The following ACVR1 variants were observed in gnomAD, a reference collection of about 807,000 sequenced individuals.
The protein encoded by ACVR1 is activin receptor type-1.
Under a neutral mutation model 57.1 loss-of-function variants are expected in ACVR1, and 38 were observed. The observed-to-expected ratio is 0.67, with a 90% confidence interval of 0.51 to 0.87. ACVR1 has a LOEUF of 0.87. Ranked by LOEUF, ACVR1 falls within the 40% of genes least tolerant of loss-of-function variation. The pLI is 0.00. For synonymous variants in ACVR1, 212 were observed against 228.1 expected, an observed-to-expected ratio of 0.93 and a Z score of 0.63; for missense variants, 463 against 638.2, an observed-to-expected ratio of 0.73 and a Z score of 2.96.
At chr2:157,862,065 A>G (rs940954237) in intron 1 of ACVR1, among the ~76,000 whole-genome samples, 13 of 152,168 alleles carry the variant, frequency 8.5e-5, no homozygotes, top group Non-Finnish European at 1.6e-4. Context: ...AATTTTGAAT[A>G]TTTACTTTAT....
intron 1 of ACVR1, among the ~76,000 whole-genome samples, chr2:157,833,858 T>C (rs1166970936): frequency 6.6e-6 from 1 of 152,176 alleles, no homozygotes; most frequent in East Asian, 1.9e-4. Flanking sequence ...GATAACAGCT[T>C]TTTTAAAAAT....
intron 2 of ACVR1, among the ~76,000 whole-genome samples, chr2:157,803,225 G>A (rs988526824): frequency 6.6e-5 from 10 of 151,902 alleles, no homozygotes; most frequent in African/African-American, 2.4e-4. Flanking sequence ...ATCATTGTGC[G>A]AACAAAATTA....
chr2:157,739,222 T>C (rs1684653791), intron 9 of ACVR1, among the ~76,000 whole-genome samples: 1 of 152,140 alleles, frequency 6.6e-6, no homozygotes. Context: ...GCTCTATTAT[T>C]TACTATCATA....
At chr2:157,779,848 T>C (rs1443911006) in intron 4 of ACVR1, among the ~76,000 whole-genome samples, 1 of 152,198 alleles carries the variant, frequency 6.6e-6, no homozygotes, top group African/African-American at 2.4e-5. Flanking sequence ...ATAGGGTCAC[T>C]GGGCATCAGA....
chr2:157,851,904 CACA>C (rs1333407345), intron 1 of ACVR1, among the ~76,000 whole-genome samples: 10,309 of 28,576 alleles, frequency 0.36, 1,308 homozygotes, highest in Middle Eastern at 0.44. Flanking sequence ...CACACACACA[CACA>C]CACCACCCCC....
chr2:157,850,766 G>A (rs1485448790), intron 1 of ACVR1, among the ~76,000 whole-genome samples: 1 of 152,120 alleles, frequency 6.6e-6, no homozygotes, highest in East Asian at 1.9e-4. Flanking sequence ...AGACCAGCCT[G>A]GCCAACACGG....
intron 1 of ACVR1, among the ~76,000 whole-genome samples, chr2:157,861,874 C>T (rs570175307): frequency 1.1e-4 from 16 of 152,244 alleles, no homozygotes; most frequent in Non-Finnish European, 1.9e-4. Context: ...AAGCTAGTTA[C>T]TTAAAAATGC....
At position 157,737,453 on chromosome 2, in the gene ACVR1, A is replaced by C; in HGVS notation, c.*78T>G. ...GGAGACAGATGGATTCCATTCTGAC[A>C]ACCAGTCAGGCCAGCATTAGGTCCC... On this transcript the variant is annotated 3_prime_UTR_variant, in exon 11 of 11. Coordinates refer to ENST00000434821, the MANE Select transcript of ACVR1 (RefSeq NM_001111067.4). The C allele has an allele frequency of 3.2e-6, 5 of 1,562,574 alleles. 1 individual carries two copies. The South Asian group carries it at 5.7e-5, about 18-fold the overall frequency.
intron 9 of ACVR1, among the ~76,000 whole-genome samples, chr2:157,756,233 C>T (rs1267772495): frequency 6.6e-6 from 1 of 151,928 alleles, no homozygotes; most frequent in Non-Finnish European, 1.5e-5. Context: ...ACTGGAAAAA[C>T]CCTTTAGACA....
At chr2:157,839,954 C>G (rs561231113) in intron 1 of ACVR1, among the ~76,000 whole-genome samples, 2 of 152,304 alleles carry the variant, frequency 1.3e-5, no homozygotes, top group South Asian at 4.1e-4. Flanking sequence ...GGATACACCC[C>G]CTCCTATTCT....
chr2:157,815,471 C>T (rs56397241), intron 2 of ACVR1, among the ~76,000 whole-genome samples: 3 of 152,144 alleles, frequency 2.0e-5, no homozygotes, highest in Admixed American at 6.5e-5. Context: ...CACCAGATAC[C>T]GGAAAACTTC....
intron 9 of ACVR1, among the ~76,000 whole-genome samples, chr2:157,749,892 T>C (rs1314140155): frequency 6.6e-6 from 1 of 152,210 alleles, no homozygotes; most frequent in African/African-American, 2.4e-5. Context: ...ATGGGAGGCC[T>C]GAGGACAGGT....
chr2:157,804,790 A>T (rs1285770650), intron 2 of ACVR1, among the ~76,000 whole-genome samples: 1 of 152,208 alleles, frequency 6.6e-6, no homozygotes, highest in Non-Finnish European at 1.5e-5. Flanking sequence ...TTCCCATGAT[A>T]TTCTACTAAA....
At chr2:157,837,510 T>G (rs1688825578) in intron 1 of ACVR1, among the ~76,000 whole-genome samples, 1 of 152,372 alleles carries the variant, frequency 6.6e-6, no homozygotes, top group African/African-American at 2.4e-5. Context: ...ATTTTTTAAT[T>G]TAATTTCGAG....
intron 9 of ACVR1, among the ~76,000 whole-genome samples, chr2:157,739,811 C>T (rs1684682867): frequency 6.6e-6 from 1 of 152,144 alleles, no homozygotes; most frequent in South Asian, 2.1e-4. Context: ...TCAAGAAATG[C>T]TACATATCTT....
At chr2:157,810,406 A>G (rs1687710966) in intron 2 of ACVR1, among the ~76,000 whole-genome samples, 3 of 152,204 alleles carry the variant, frequency 2.0e-5, no homozygotes, top group Admixed American at 2.0e-4. Flanking sequence ...GCCAGGCCCC[A>G]TTCCTTCCTT....
At chr2:157,775,690 C>T (rs943669004) in intron 5 of ACVR1, among the ~76,000 whole-genome samples, 1 of 152,132 alleles carries the variant, frequency 6.6e-6, no homozygotes, top group African/African-American at 2.4e-5. Context: ...TTCTCTCTTG[C>T]GGTTCTTTTT....
At chr2:157,809,179 A>C (rs1335296276) in intron 2 of ACVR1, among the ~76,000 whole-genome samples, 1 of 152,194 alleles carries the variant, frequency 6.6e-6, no homozygotes, top group African/African-American at 2.4e-5. Context: ...CAAGTCACAC[A>C]TTAAATAGCA....
chr2:157,773,641 G>T (rs1461046965), intron 6 of ACVR1, among the ~76,000 whole-genome samples: 1 of 152,156 alleles, frequency 6.6e-6, no homozygotes, highest in Non-Finnish European at 1.5e-5. Context: ...GAGTTATAAA[G>T]ATCCCTTTGC....
Sources: gnomAD v4.1 joint callset for allele counts (sites outside exome capture counted in the v4.1 genomes callset) on GRCh38, gnomAD v4.1.1 for gene constraint, MANE v1.5 for transcripts, NCBI Gene and HGNC (gene_info 2026-07-23, HGNC 2026-07-21) for gene names.